EPG5: variants seen among roughly 807,000 people sequenced by gnomAD.
EPG5 encodes the protein ectopic P granules protein 5 homolog.
A neutral mutation model predicts 302.7 loss-of-function variants in EPG5; 159 were observed. The observed-to-expected ratio is 0.53, with a 90% CI of 0.46 to 0.60. The LOEUF (loss-of-function observed/expected upper bound fraction) is 0.60, where lower values mean the gene tolerates loss of function less well. Ranked by LOEUF, EPG5 falls within the 20% of genes least tolerant of loss-of-function variation. EPG5 has a pLI of 0.00. For missense variants in EPG5, 2,896 were observed against 3,092.4 expected, an observed-to-expected ratio of 0.94 and a Z score of 1.51; for synonymous variants, 1,158 against 1,136.8, an observed-to-expected ratio of 1.02 and a Z score of -0.37.
chr18:45,892,154 T>C (rs2049366131), intron 27 of EPG5, among the ~76,000 whole-genome samples: 1 of 152,252 alleles, frequency 6.6e-6, no homozygotes, highest in Admixed American at 6.5e-5. Context: ...CCATTCCATG[T>C]TGTAGAAACT....
At chr18:45,939,554 G>T (rs776745908) in intron 10 of EPG5, 46 bp downstream of exon 10, 15 of 1,583,236 alleles carry the variant, frequency 9.5e-6, no homozygotes, top group Non-Finnish European at 1.3e-5. Context: ...GTTCTTACTA[G>T]TGAGGAAGTT....
intron 1 of EPG5, among the ~76,000 whole-genome samples, chr18:45,966,155 G>A (rs2143964347): frequency 1.3e-5 from 2 of 151,812 alleles, no homozygotes; most frequent in Middle Eastern, 3.4e-3. Flanking sequence ...GGCGGATCAC[G>A]AGGTCAGGAG....
intron 11 of EPG5, among the ~76,000 whole-genome samples, chr18:45,933,373 G>A (rs1019949010): frequency 1.4e-4 from 21 of 152,180 alleles, no homozygotes; most frequent in African/African-American, 4.6e-4. Context: ...GAAGAATAAA[G>A]ACATCAAGAG....
chr18:45,912,406 C>T lies in EPG5; in HGVS notation c.3867G>A (p.Leu1289=). Residue 1289 remains leucine (L), a synonymous_variant, in exon 22 of 44, where the codon CTG becomes CTA. Transcript: ENST00000282041. ...KLPIVPSLQR[L]LIYRWAHQAL... is the part of the protein sequence containing the mutation. ...CCTGGTGGGCCCAGCGATAAATCAG[C>T]AGCCTCTGGAGGGATGGCACGATGG... 1 of 1,610,988 alleles carries T rather than the reference C, an allele frequency of 6.2e-7. No homozygotes were observed. The highest frequency in any genetic ancestry group is 8.5e-7 in the Non-Finnish European group (1 of 1,178,908).
chr18:45,827,641 G>C, the EPG5 span, among the ~76,000 whole-genome samples: 20 of 152,190 alleles, frequency 1.3e-4, no homozygotes, highest in Admixed American at 2.0e-4. Context: ...CTGCCACCTT[G>C]AAGAGGAGCT....
chr18:45,820,601 C>G, the EPG5 span, among the ~76,000 whole-genome samples: 1 of 141,960 alleles, frequency 7.0e-6, no homozygotes, highest in Non-Finnish European at 1.6e-5. Context: ...ACATGACCAC[C>G]TGCTGCTGCT....
chr18:45,951,340 T>C (rs2050905078), intron 3 of EPG5, 102 bp from the exon 4 acceptor site: 4 of 792,148 alleles, frequency 5.0e-6, no homozygotes, highest in Admixed American at 8.0e-5. Flanking sequence ...CTTTAAAATA[T>C]TTAGTGCAGA....
At chr18:45,828,950 GC>G in the EPG5 span, 1 of 268,482 alleles carries the variant, frequency 3.7e-6, no homozygotes, top group African/African-American at 2.3e-5. Flanking sequence ...GGTTTAATGA[GC>G]CAGGGCACTT....
In EPG5 at chr18:45,870,555, T is replaced by TGAAGGGCTTACTTTGAA; in HGVS notation, c.6220_6225+11dup. Reference sequence around the variant, plus strand: ...TCTCTCTAGGCTGCGATGCCGGGAATGAAGGGCTTACTTTGAAGAAGGCCT... The same window carrying TGAAGGGCTTACTTTGAA: ...TCTCTCTAGGCTGCGATGCCGGGAATGAAGGGCTTACTTTGAAGAAGGGCTTACTTTGAAGAAGGCCT... On this transcript the variant is annotated intron_variant, in intron 36 of 43. Coordinates refer to ENST00000282041, the MANE Select transcript of EPG5 (RefSeq NM_020964.3). The TGAAGGGCTTACTTTGAA allele has an allele frequency of 2.5e-6, 4 of 1,610,754 alleles. No individual in the cohort carries two copies. Among genetic ancestry groups the TGAAGGGCTTACTTTGAA allele is most frequent in the Non-Finnish European group, 3.4e-6 (4 of 1,177,458 alleles).
chr18:45,827,071 C>T, the EPG5 span, among the ~76,000 whole-genome samples: 1 of 152,276 alleles, frequency 6.6e-6, no homozygotes, highest in African/African-American at 2.4e-5. Flanking sequence ...TGTGCCACCA[C>T]GCCCAGCTAA....
intron 43 of EPG5, among the ~76,000 whole-genome samples, chr18:45,854,524 TTCTC>T (rs149305986): frequency 3.5e-4 from 53 of 150,568 alleles, no homozygotes; most frequent in Non-Finnish European, 7.1e-4. Flanking sequence ...TACTTAGCCT[TTCTC>T]TCTCTCTCTC....
In EPG5 at chr18:45,876,325, T is replaced by A. The variant is rs2145364969; in HGVS notation, c.5960A>T (p.Tyr1987Phe). The change falls in exon 35 of 44, where the codon TAC becomes TTC. Residue 1987 changes from tyrosine (Y) to phenylalanine (F), a missense_variant. By Grantham distance (22) the Tyr-to-Phe change is conservative. This residue lies in a region of EPG5 where 32 missense variants were observed against 58.4 expected (regional missense o/e 0.55). Coordinates refer to ENST00000282041, the MANE Select transcript of EPG5 (RefSeq NM_020964.3). ...CACAGTATCACTCTCTAGCCAGGGG[T>A]AATGCCGCTGTTGGCTGCTTTAAAG... ...EDNESSQQRHYPWLESDTVVA... is the reference protein window; with the variant it reads ...EDNESSQQRHFPWLESDTVVA... 6.2e-7 allele frequency: 1 copy of A among 1,613,948 alleles called. No individual in the cohort carries two copies. Among genetic ancestry groups the A allele is most frequent in the Admixed American group, 1.7e-5 (1 of 60,008 alleles).
At position 45,860,411 on chromosome 18, in the gene EPG5, AATAACAGTGCTTCAATCTTAGCT is replaced by A. The variant is rs2048610520; in HGVS notation, c.6767-88_6767-66del. 2.5e-6 allele frequency: 4 copies of A among 1,596,888 alleles called. No homozygotes were observed. The Middle Eastern group carries it at 5.1e-4, about 202-fold the overall frequency. On this transcript the variant is annotated intron_variant, in intron 39 of 43. Coordinates refer to ENST00000282041, the MANE Select transcript of EPG5 (RefSeq NM_020964.3). ...AAGGTACTATCCATGTGATCAGGAG[AATAACAGTGCTTCAATCTTAGCT>A]GTTCTCCAGGCAGATTTTACAGTGC...
In EPG5 at chr18:45,954,859, G is replaced by C. The variant is rs763330491; in HGVS notation, c.543C>G (p.Asp181Glu). 3.1e-6 allele frequency: 5 copies of C among 1,614,188 alleles called. No individual in the cohort carries two copies. The highest frequency in any genetic ancestry group is 4.2e-6 in the Non-Finnish European group (5 of 1,180,038). The change falls in exon 2 of 44, where the codon GAC becomes GAG. Residue 181 changes from aspartate (D) to glutamate (E), a missense_variant. Physicochemically the swap from Asp to Glu is conservative, Grantham distance 45. This residue lies in a region of EPG5 where 1,390 missense variants were observed against 1,430.0 expected (regional missense o/e 0.97). Transcript: ENST00000282041. ...CTGAAGAACAAACCAGGCCTTGTTT[G>C]TCTTCTTTACTATTCTGAGTTTCTC... The part of the protein sequence containing the change: ...QVRETQNSKE[D>E]KQGLVCSSEV...
At position 45,944,260 on chromosome 18, in the gene EPG5, A is replaced by C. The variant is rs1260100841; in HGVS notation, c.1678-141T>G. 3 of 581,812 alleles carry C rather than the reference A, an allele frequency of 5.2e-6. No homozygotes were observed. In the East Asian group the frequency reaches 8.3e-5, roughly 16 times the overall value. The allele number at this position is 581,812 out of a possible 1,614,324, so 36.0% of individuals were successfully genotyped here. On this transcript the variant is annotated intron_variant, in intron 7 of 43. Transcript: ENST00000282041. Reference sequence around the variant, plus strand: ...AGTCTTCATGGACCTTTTCTCCAGGACAGCAATTTATAGTATCAGTTCCAC... The same window carrying C: ...AGTCTTCATGGACCTTTTCTCCAGGCCAGCAATTTATAGTATCAGTTCCAC...
At chr18:45,909,401 A>G (rs563361224) in intron 23 of EPG5, among the ~76,000 whole-genome samples, 104 of 152,350 alleles carry the variant, frequency 6.8e-4, no homozygotes, top group Middle Eastern at 3.4e-3. Context: ...AACAAGCAAC[A>G]TAAGGGAAGA....
chr18:45,882,593 AT>A, intron 30 of EPG5, 106 bp from the exon 31 acceptor site: 1 of 783,824 alleles, frequency 1.3e-6, no homozygotes, highest in Non-Finnish European at 2.0e-6. Flanking sequence ...ATTACCCAGC[AT>A]TTTATAAAAA....
chr18:45,934,846 G>T lies in EPG5; in HGVS notation c.2220C>A (p.Ser740=), dbSNP rs759040752. ...GCTTGCACTGGGCGGGCTGCAGGGA[G>T]GAGGAGAGCTGCTGCAGGTTCTCGC... ...VESENLQQLS[S]SLQPAQCKQQ... is the part of the protein sequence containing the mutation. The change falls in exon 11 of 44, where the codon TCC becomes TCA. Residue 740 remains serine (S), a synonymous_variant. Coordinates refer to ENST00000282041, the MANE Select transcript of EPG5 (RefSeq NM_020964.3). 8 of 1,614,158 alleles carry T rather than the reference G, an allele frequency of 5.0e-6. No individual in the cohort carries two copies. The highest frequency in any genetic ancestry group is 5.9e-6 in the Non-Finnish European group (7 of 1,180,020).
chr18:45,852,280 A>AACACACACACAC lies in EPG5; in HGVS notation c.*175_*186dup. On this transcript the variant is annotated 3_prime_UTR_variant, in exon 44 of 44. Coordinates refer to ENST00000282041, the MANE Select transcript of EPG5 (RefSeq NM_020964.3). ...CCCAGAAGGTCTTAAGAGCTAAGAA[A>AACACACACACAC]ACACACACACACACACACACACACC... The AACACACACACAC allele has an allele frequency of 4.1e-6, 2 of 487,804 alleles. No homozygotes were observed. The highest frequency in any genetic ancestry group is 7.2e-6 in the Non-Finnish European group (2 of 279,676). 30.2% of individuals were successfully genotyped at this position (487,804 alleles called of 1,614,324 possible). A position where few individuals can be genotyped will look rare whatever the true frequency, so the allele number is the denominator to read the frequency against.
Sources: gnomAD v4.1 joint callset for allele counts (sites outside exome capture counted in the v4.1 genomes callset) on GRCh38, gnomAD v4.1.1 for gene constraint, gnomAD v4.1.1 regional missense constraint, MANE v1.5 for transcripts, NCBI Gene and HGNC (gene_info 2026-07-23, HGNC 2026-07-21) for gene names.